Variants in FAM118A observed in about 807,000 individuals in gnomAD.
FAM118A encodes the protein protein FAM118A.
Under a neutral mutation model 38.2 loss-of-function variants are expected in FAM118A, and 25 were observed. The observed-to-expected ratio is 0.65, with a 90% CI of 0.48 to 0.91. The LOEUF (loss-of-function observed/expected upper bound fraction) is 0.91, where lower values mean the gene tolerates loss of function less well. FAM118A is among the 40% of genes least tolerant of loss of function. The pLI is 0.00. For synonymous variants in FAM118A, 178 were observed against 184.1 expected, an observed-to-expected ratio of 0.97 and a Z score of 0.27; for missense variants, 425 against 463.3, an observed-to-expected ratio of 0.92 and a Z score of 0.76.
Position 45,328,067 on chromosome 22 carries a change from T to C in FAM118A, c.522+4T>C, listed in dbSNP as rs199693243. On this transcript the variant is annotated splice_donor_region_variant and intron_variant, in intron 4 of 8. Coordinates refer to ENST00000441876, the MANE Select transcript of FAM118A (RefSeq NM_017911.4). ...GGACTTGAAGGACAAGACCAAGGTA[T>C]GGGCTGGGGGTGCGGGAGGCCTTTG... The C allele has an allele frequency of 1.2e-3, 760 of 643,214 alleles. 41 individuals are homozygous for C. The highest frequency in any genetic ancestry group is 9.4e-3 in the East Asian group (310 of 32,894). 39.8% of individuals were successfully genotyped at this position (643,214 alleles called of 1,614,324 possible). A position where few individuals can be genotyped will look rare whatever the true frequency, so the allele number is the denominator to read the frequency against.
At position 45,330,411 on chromosome 22, in the gene FAM118A, T is replaced by C. The variant is rs528436052; in HGVS notation, c.523-192T>C. 7.3e-4 allele frequency: 345 copies of C among 474,134 alleles called. 2 individuals are homozygous for C. In the East Asian group the frequency reaches 0.011, roughly 16 times the overall value. 29.4% of individuals were successfully genotyped at this position (474,134 alleles called of 1,614,324 possible). A position where few individuals can be genotyped will look rare whatever the true frequency, so the allele number is the denominator to read the frequency against. On this transcript the variant is annotated intron_variant, in intron 4 of 8. Transcript: ENST00000441876. ...TTTTACAGGTGTGACTGTACCGTCG[T>C]AGGACGGGAATAACTAGGGCTCACA... is the stretch of plus-strand genomic sequence containing the variant.
rs1297559225 is a variant in FAM118A, at chr22:45,341,325, G to A, written c.*920G>A. 4 of 152,158 alleles carry A rather than the reference G, an allele frequency of 2.6e-5. No homozygotes were observed. The highest frequency in any genetic ancestry group is 2.1e-4 in the South Asian group (1 of 4,830). The allele number at this position is 152,158 out of a possible 1,614,324, so 9.4% of individuals were successfully genotyped here. On this transcript the variant is annotated 3_prime_UTR_variant, in exon 9 of 9. Transcript: ENST00000441876. The stretch of plus-strand genomic sequence containing the variant: ...TCTGATATTGCTAAGAACTGAAATC[G>A]GAGGAGCCAGAGGCCCTTTTCAGTC...
rs554594993 is a variant in FAM118A, at chr22:45,340,326, C to G, written c.1055-60C>G. ...CAGTTTCTGAAATAGAAATCTATTG[C>G]AAATAACTTCTTTTAGCTGGACTTT... On this transcript the variant is annotated intron_variant, in intron 8 of 8. Transcript: ENST00000441876. The G allele has an allele frequency of 5.0e-6, 8 of 1,597,294 alleles. No homozygotes were observed. In the East Asian group the frequency reaches 1.6e-4, roughly 31 times the overall value.
chr22:45,312,443 A>T (rs2084412296), intron 1 of FAM118A, among the ~76,000 whole-genome samples: 1 of 152,004 alleles, frequency 6.6e-6, no homozygotes, highest in Non-Finnish European at 1.5e-5. Context: ...TAGGCCGAGG[A>T]GGGTAGATCA....
At chr22:45,329,590 T>TA (rs1666911041) in intron 4 of FAM118A, 1 of 152,260 alleles carries the variant, frequency 6.6e-6, no homozygotes, top group African/African-American at 2.4e-5. Context: ...CCTTGTGAGG[T>TA]AAGGCCCTGG....
chr22:45,332,423 AG>A lies in FAM118A; in HGVS notation c.652del. 1 of 1,606,326 alleles carries A rather than the reference AG, an allele frequency of 6.2e-7. No individual in the cohort carries two copies. Among genetic ancestry groups the A allele is most frequent in the Non-Finnish European group, 8.5e-7 (1 of 1,176,728 alleles). On this transcript the variant is annotated splice_acceptor_variant, in intron 5 of 8. Coordinates refer to ENST00000441876, the MANE Select transcript of FAM118A (RefSeq NM_017911.4). LOFTEE classifies it high-confidence loss of function. ...CTCAATTTCTTCATTGGCCTTTTCT[AG>A]GAAGTCCTCCAGAACTTATACCGCA... is the stretch of plus-strand genomic sequence containing the variant.
Position 45,330,705 on chromosome 22 carries a change from G to C in FAM118A, c.625G>C (p.Asp209His), listed in dbSNP as rs1283520506. The change falls in exon 5 of 9, where the codon GAC becomes CAC. Residue 209 changes from aspartate (D) to histidine (H), a missense_variant. By Grantham distance (81) the Asp-to-His change is moderately conservative. Transcript: ENST00000441876. ...GVVLDPSGYKDVTQDAEVMEV... is the reference protein window; with the variant it reads ...GVVLDPSGYKHVTQDAEVMEV... ...GGTGCTGGACCCATCGGGGTATAAA[G>C]ACGTCACTCAAGACGCAGAAGTCAT... 6.3e-7 allele frequency: 1 copy of C among 1,583,976 alleles called. No homozygotes were observed. Among genetic ancestry groups the C allele is most frequent in the African/African-American group, 1.4e-5 (1 of 73,528 alleles).
At chr22:45,333,093 CTCTG>C (rs1008825586) in intron 6 of FAM118A, among the ~76,000 whole-genome samples, 4 of 152,132 alleles carry the variant, frequency 2.6e-5, no homozygotes, top group East Asian at 1.9e-4. Context: ...AGTTGTTTCT[CTCTG>C]TCTTTTTTTG....
intron 3 of FAM118A, among the ~76,000 whole-genome samples, chr22:45,324,003 A>G (rs879478109): frequency 3.3e-5 from 5 of 152,214 alleles, no homozygotes; most frequent in Non-Finnish European, 5.9e-5. Context: ...GTGGCCATAA[A>G]GGCTGGGAAG....
intron 1 of FAM118A, among the ~76,000 whole-genome samples, chr22:45,311,848 G>A (rs1474488292): frequency 1.3e-5 from 2 of 152,060 alleles, no homozygotes; most frequent in African/African-American, 4.8e-5. Flanking sequence ...ACTGGTTCCC[G>A]CTCTTTCCTG....
intron 1 of FAM118A, chr22:45,321,568 C>T (rs1246974248): frequency 6.6e-6 from 1 of 152,362 alleles, no homozygotes. Flanking sequence ...AGGCATGCAC[C>T]ACCATGCCTG....
In FAM118A at chr22:45,328,689, A is replaced by C. The variant is rs2085490006; in HGVS notation, c.522+626A>C. 3 of 562,318 alleles carry C rather than the reference A, an allele frequency of 5.3e-6. No homozygotes were observed. In the South Asian group the frequency reaches 6.3e-5, roughly 12 times the overall value. The allele number at this position is 562,318 out of a possible 1,614,324, so 34.8% of individuals were successfully genotyped here. ...CACTGGCAACTTGGGAGGCTGAGGC[A>C]GGAGAATAGCTGGAACTGGGAGGGA... On this transcript the variant is annotated intron_variant, in intron 4 of 8. Coordinates refer to ENST00000441876, the MANE Select transcript of FAM118A (RefSeq NM_017911.4).
Position 45,336,353 on chromosome 22 carries a change from GA to G in FAM118A, c.997del (p.Arg333GlyfsTer3). ...LGNACQDCAK[R>X]KLEENGIEVS... The stretch of plus-strand genomic sequence containing the variant: ...GTAATGCATGCCAGGACTGTGCAAA[GA>G]GGAAGTTAGAAGAGAATGGAATTGA... On this transcript the variant is annotated frameshift_variant, in exon 8 of 9. Transcript: ENST00000441876. LOFTEE classifies it high-confidence loss of function. 4 of 1,614,030 alleles carry G rather than the reference GA, an allele frequency of 2.5e-6. No individual in the cohort carries two copies. The highest frequency in any genetic ancestry group is 1.1e-5 in the South Asian group (1 of 91,072).
chr22:45,335,943 G>C (rs762675116), intron 7 of FAM118A, among the ~76,000 whole-genome samples: 1 of 152,248 alleles, frequency 6.6e-6, no homozygotes, highest in Non-Finnish European at 1.5e-5. Context: ...ACTCTGGTGA[G>C]TGGCGCGGAG....
At chr22:45,322,498 T>C in intron 2 of FAM118A, 72 bp downstream of exon 2, 7 of 1,353,688 alleles carry the variant, frequency 5.2e-6, no homozygotes, top group Non-Finnish European at 7.2e-6. Context: ...GTGTGCGCAC[T>C]CGTTCTTTAG....
chr22:45,338,894 TAGTG>T (rs2086283792), intron 8 of FAM118A, among the ~76,000 whole-genome samples: 1 of 152,192 alleles, frequency 6.6e-6, no homozygotes, highest in Non-Finnish European at 1.5e-5. Flanking sequence ...TAAAGATTCT[TAGTG>T]AGTGCAAATT....
chr22:45,318,592 T>C (rs1704592290), intron 1 of FAM118A: 1 of 152,308 alleles, frequency 6.6e-6, no homozygotes, highest in African/African-American at 2.4e-5. Context: ...TTCTAGATTA[T>C]TGTGAGATTT....
At chr22:45,311,880 TTAAG>T (rs1165179436) in intron 1 of FAM118A, among the ~76,000 whole-genome samples, 4 of 151,966 alleles carry the variant, frequency 2.6e-5, no homozygotes, top group Admixed American at 2.6e-4. Flanking sequence ...GGTCTGAACT[TTAAG>T]TGAGGTTTTT....
intron 1 of FAM118A, among the ~76,000 whole-genome samples, chr22:45,313,470 C>T (rs1315782404): frequency 6.6e-6 from 1 of 151,918 alleles, no homozygotes. Context: ...TTACAGGCGC[C>T]TGCCACCTTG....
Sources: allele counts gnomAD v4.1 joint callset (sites outside exome capture counted in the v4.1 genomes callset), GRCh38; gene constraint gnomAD v4.1.1; transcripts MANE v1.5; gene names NCBI Gene and HGNC (gene_info 2026-07-23, HGNC 2026-07-21).